The following ACVR1 variants were observed in gnomAD, a reference collection of about 807,000 sequenced individuals.
ACVR1 encodes activin A receptor type 1.
ACVR1 carries 38 observed loss-of-function variants against 57.1 expected under a neutral mutation model. The ratio of observed to expected loss-of-function variants is 0.67; its 90% CI spans 0.51 to 0.87. ACVR1 has a LOEUF of 0.87. Among genes scored for constraint, ACVR1 ranks in the 40% least tolerant of loss-of-function variants. The probability of loss-of-function intolerance (pLI) is 0.00; values close to 1 mark genes in which losing one functional copy is unlikely to be tolerated. For missense variants in ACVR1, 463 were observed against 638.2 expected (o/e 0.73, Z 2.96); for synonymous variants, 212 against 228.1 (o/e 0.93, Z 0.63).
At chr2:157,803,720 A>G (rs1574084347) in intron 2 of ACVR1, among the ~76,000 whole-genome samples, 1 of 152,190 alleles carries the variant, frequency 6.6e-6, no homozygotes, top group African/African-American at 2.4e-5. Flanking sequence ...CAATAATTCA[A>G]TAGTTCTGGG....
intron 6 of ACVR1, among the ~76,000 whole-genome samples, chr2:157,771,104 C>T (rs934039866): frequency 5.9e-5 from 9 of 152,162 alleles, no homozygotes; most frequent in African/African-American, 9.7e-5. Context: ...GCTAGAAGAT[C>T]GACATGCAGC....
At chr2:157,773,576 T>C (rs995344904) in intron 6 of ACVR1, among the ~76,000 whole-genome samples, 5 of 152,210 alleles carry the variant, frequency 3.3e-5, no homozygotes, top group South Asian at 4.1e-4. Context: ...TGTTCATGTA[T>C]TGGGAAAATG....
At chr2:157,847,770 GC>G (rs1318101043) in intron 1 of ACVR1, among the ~76,000 whole-genome samples, 5 of 152,210 alleles carry the variant, frequency 3.3e-5, no homozygotes, top group African/African-American at 1.2e-4. Flanking sequence ...ACTGATTTTA[GC>G]CAGAGGATGA....
chr2:157,752,720 C>T (rs112228324), intron 9 of ACVR1, among the ~76,000 whole-genome samples: 1 of 152,136 alleles, frequency 6.6e-6, no homozygotes, highest in Non-Finnish European at 1.5e-5. Flanking sequence ...AGGAAAGATT[C>T]GGTCTTTTTC....
intron 1 of ACVR1, among the ~76,000 whole-genome samples, chr2:157,862,869 C>CAAAAAAAAAAAAAA (rs1158581005): frequency 4.2e-5 from 6 of 141,696 alleles, no homozygotes; most frequent in African/African-American, 1.7e-4. Flanking sequence ...GACTCCGTCT[C>CAAAAAAAAAAAAAA]AAAAAAAAAA....
intron 1 of ACVR1, among the ~76,000 whole-genome samples, chr2:157,857,151 T>C (rs140550631): frequency 0.04 from 6,055 of 152,114 alleles, 169 homozygotes; most frequent in Non-Finnish European, 0.056. Flanking sequence ...TGAGCCATGA[T>C]TGTGCCACTG....
chr2:157,793,564 T>C (rs1026970096), intron 3 of ACVR1, among the ~76,000 whole-genome samples: 8 of 152,154 alleles, frequency 5.3e-5, no homozygotes, highest in African/African-American at 1.9e-4. Context: ...ACATTCTAGG[T>C]CCCAGTAGTA....
At chr2:157,769,233 C>G (rs939549129) in intron 7 of ACVR1, among the ~76,000 whole-genome samples, 4 of 152,122 alleles carry the variant, frequency 2.6e-5, no homozygotes, top group African/African-American at 9.7e-5. Context: ...TTAAGTGATT[C>G]CTGGGAGCCC....
intron 7 of ACVR1, among the ~76,000 whole-genome samples, chr2:157,766,817 A>G (rs541098716): frequency 2.0e-5 from 3 of 152,362 alleles, no homozygotes; most frequent in African/African-American, 7.2e-5. Flanking sequence ...CTGGCTAAAG[A>G]AGACAGATGT....
chr2:157,741,154 T>C (rs1684744663), intron 9 of ACVR1, among the ~76,000 whole-genome samples: 2 of 152,344 alleles, frequency 1.3e-5, no homozygotes, highest in Admixed American at 6.5e-5. Flanking sequence ...CATTTTTTTT[T>C]CCCTGAGACA....
chr2:157,755,314 TCTAA>T (rs1261037537), intron 9 of ACVR1, among the ~76,000 whole-genome samples: 1 of 151,638 alleles, frequency 6.6e-6, no homozygotes, highest in East Asian at 1.9e-4. Flanking sequence ...AAAGAGGAGG[TCTAA>T]CTGTCGCTGT....
intron 1 of ACVR1, among the ~76,000 whole-genome samples, chr2:157,828,922 A>G (rs1022521084): frequency 6.6e-6 from 1 of 151,882 alleles, no homozygotes; most frequent in Admixed American, 6.6e-5. Flanking sequence ...ACCCACCACC[A>G]TGCCCAGATA....
intron 9 of ACVR1, among the ~76,000 whole-genome samples, chr2:157,756,942 C>T (rs1321826565): frequency 6.9e-6 from 1 of 145,710 alleles, no homozygotes; most frequent in East Asian, 2.0e-4. Context: ...TGTGAGCTAT[C>T]TATCTATCTA....
chr2:157,850,719 G>A (rs1346000102), intron 1 of ACVR1, among the ~76,000 whole-genome samples: 2 of 152,162 alleles, frequency 1.3e-5, no homozygotes, highest in Non-Finnish European at 2.9e-5. Flanking sequence ...CACTTTGGGA[G>A]GCCAAGGCAG....
chr2:157,866,557 G>A (rs537888871), intron 1 of ACVR1, among the ~76,000 whole-genome samples: 166 of 152,228 alleles, frequency 1.1e-3, no homozygotes, highest in Non-Finnish European at 2.0e-3. Context: ...TCCCCATCTT[G>A]GAGCTCCGGC....
chr2:157,754,765 C>T (rs1685354037), intron 9 of ACVR1, among the ~76,000 whole-genome samples: 2 of 152,094 alleles, frequency 1.3e-5, no homozygotes, highest in South Asian at 4.1e-4. Context: ...TCTATAAAGC[C>T]AGTATCACCC....
At chr2:157,849,865 C>G (rs1327816670) in intron 1 of ACVR1, among the ~76,000 whole-genome samples, 2 of 152,314 alleles carry the variant, frequency 1.3e-5, no homozygotes, top group East Asian at 1.9e-4. Flanking sequence ...GTCAGTGTTT[C>G]CTGTTCTGGC....
intron 8 of ACVR1, 76 bp downstream of exon 8, chr2:157,765,845 G>A (rs943742707): frequency 1.4e-6 from 2 of 1,470,702 alleles, no homozygotes; most frequent in Non-Finnish European, 1.9e-6. Flanking sequence ...ACATGTTGTG[G>A]GGGAGAGATG....
At chr2:157,765,499 A>ATT (rs1685830227) in intron 8 of ACVR1, among the ~76,000 whole-genome samples, 1 of 152,178 alleles carries the variant, frequency 6.6e-6, no homozygotes, top group Non-Finnish European at 1.5e-5. Flanking sequence ...CTCGACAGGG[A>ATT]TTTGGGTTTT....
Sources: gnomAD v4.1 joint callset for allele counts (sites outside exome capture counted in the v4.1 genomes callset) on GRCh38, gnomAD v4.1.1 for gene constraint, MANE v1.5 for transcripts, NCBI Gene and HGNC (gene_info 2026-07-23, HGNC 2026-07-21) for gene names.